The following ELL2 variants were observed in gnomAD, a reference collection of about 807,000 sequenced individuals.
ELL2 encodes the protein elongation factor for RNA polymerase II 2.
Under a neutral mutation model 72.8 loss-of-function variants are expected in ELL2, and 21 were observed. That is an observed-to-expected ratio of 0.29 (90% CI 0.20 to 0.42). The LOEUF (loss-of-function observed/expected upper bound fraction) is 0.42. Among genes scored for constraint, ELL2 ranks in the 10% least tolerant of loss-of-function variants. The pLI, the probability that ELL2 is intolerant of heterozygous loss-of-function variation, is 1.00. For missense variants in ELL2, 568 were observed against 772.8 expected, an observed-to-expected ratio of 0.73 and a Z score of 3.14; for synonymous variants, 266 against 283.2, an observed-to-expected ratio of 0.94 and a Z score of 0.61.
At chr5:95,943,787 T>C (rs1561512152) in intron 1 of ELL2, among the ~76,000 whole-genome samples, 1 of 152,206 alleles carries the variant, frequency 6.6e-6, no homozygotes, top group Non-Finnish European at 1.5e-5. Context: ...TTATGAGCTT[T>C]TTCTTCTTGA....
chr5:95,909,680 C>T (rs3777194), intron 4 of ELL2, among the ~76,000 whole-genome samples: 56,871 of 152,060 alleles, frequency 0.37, 11,983 homozygotes, highest in African/African-American at 0.58. Context: ...TGCTAATCAA[C>T]TCCCTGGGCT....
rs561640239 is a variant in ELL2, at chr5:95,886,949, A to T, written c.*1922T>A. On this transcript the variant is annotated 3_prime_UTR_variant, in exon 12 of 12. Transcript: ENST00000237853. Reference sequence around the variant, plus strand: ...AGATGTCCAAGAAATAACACCAATGAGTTCATTACCTATAGACGAACCACT... The same window carrying T: ...AGATGTCCAAGAAATAACACCAATGTGTTCATTACCTATAGACGAACCACT... 3 of 152,354 alleles carry T rather than the reference A, an allele frequency of 2.0e-5. No individual in the cohort carries two copies. In the South Asian group the frequency reaches 6.2e-4, roughly 32 times the overall value. 9.4% of individuals were successfully genotyped at this position (152,354 alleles called of 1,614,324 possible).
chr5:95,910,921 T>A (rs1749566338), intron 4 of ELL2, among the ~76,000 whole-genome samples: 1 of 152,186 alleles, frequency 6.6e-6, no homozygotes, highest in Admixed American at 6.5e-5. Context: ...ATCACACTCA[T>A]ATAATTTGCT....
At chr5:95,901,148 C>T in intron 5 of ELL2, 68 bp from the exon 6 acceptor site, 3 of 1,486,052 alleles carry the variant, frequency 2.0e-6, no homozygotes, top group Middle Eastern at 2.2e-4. Context: ...AAACAGGCAA[C>T]CTTTAGGATT....
At chr5:95,898,961 A>AC in intron 7 of ELL2, 151 bp from the exon 8 acceptor site, 1 of 519,516 alleles carries the variant, frequency 1.9e-6, no homozygotes, top group African/African-American at 2.6e-5. Context: ...TGCTTAAGCA[A>AC]AAAACAAACA....
chr5:95,888,162 T>C lies in ELL2; in HGVS notation c.*709A>G, dbSNP rs1412144270. 1 of 152,538 alleles carries C rather than the reference T, an allele frequency of 6.6e-6. No individual in the cohort carries two copies. The highest frequency in any genetic ancestry group is 1.5e-5 in the Non-Finnish European group (1 of 68,016). The allele number at this position is 152,538 out of a possible 1,614,324, so 9.4% of individuals were successfully genotyped here. On this transcript the variant is annotated 3_prime_UTR_variant, in exon 12 of 12. Coordinates refer to ENST00000237853, the MANE Select transcript of ELL2 (RefSeq NM_012081.6). ...CTGGTAGGCCACAGTATGCTTCCCA[T>C]TGCTCTAATCAAGTGGGAAGCAGTG...
intron 2 of ELL2, among the ~76,000 whole-genome samples, chr5:95,940,973 G>T (rs113392654): frequency 2.6e-5 from 4 of 152,064 alleles, no homozygotes; most frequent in Admixed American, 6.5e-5. Flanking sequence ...CAAAAAGAAG[G>T]GGGGGAGGGG....
At chr5:95,913,664 A>C in intron 4 of ELL2, 107 bp downstream of exon 4, 1 of 1,250,606 alleles carries the variant, frequency 8.0e-7, no homozygotes, top group Non-Finnish European at 1.1e-6. Context: ...AATGTTCTGA[A>C]AACTAGTTTC....
chr5:95,945,761 TGG>T (rs1751133714), intron 1 of ELL2, among the ~76,000 whole-genome samples: 1 of 152,180 alleles, frequency 6.6e-6, no homozygotes, highest in Admixed American at 6.5e-5. Flanking sequence ...AAGACAGGAA[TGG>T]ACACTGTATG....
At chr5:95,924,862 C>G (rs1396055639) in intron 2 of ELL2, among the ~76,000 whole-genome samples, 2 of 152,180 alleles carry the variant, frequency 1.3e-5, no homozygotes, top group Non-Finnish European at 2.9e-5. Flanking sequence ...GGGATACAAG[C>G]TCAGGCATGT....
chr5:95,914,688 T>C (rs1414804203), intron 3 of ELL2, among the ~76,000 whole-genome samples: 7 of 151,910 alleles, frequency 4.6e-5, no homozygotes, highest in Admixed American at 2.6e-4. Context: ...ACCCCATCTC[T>C]ACAAAAATTA....
chr5:95,919,372 C>A, intron 3 of ELL2, 52 bp downstream of exon 3: 1 of 1,554,494 alleles, frequency 6.4e-7, no homozygotes, highest in South Asian at 1.2e-5. Context: ...TTTTCTAAAA[C>A]CCTCTTAAAT....
intron 1 of ELL2, among the ~76,000 whole-genome samples, chr5:95,946,730 C>T (rs992297813): frequency 6.6e-6 from 1 of 152,214 alleles, no homozygotes; most frequent in Non-Finnish European, 1.5e-5. Context: ...TAACTCTTTC[C>T]TGTTCTTCCA....
Position 95,898,821 on chromosome 5 carries a change from G to C in ELL2, c.955-11C>G. ...ATCCAAAAGCCGTTTCTAGGGGAGG[G>C]AAAAGGAGAAAAGTGAGCCAGTTTG... On this transcript the variant is annotated splice_polypyrimidine_tract_variant and intron_variant, in intron 7 of 11. Coordinates refer to ENST00000237853, the MANE Select transcript of ELL2 (RefSeq NM_012081.6). The C allele has an allele frequency of 6.8e-7, 1 of 1,477,764 alleles. No homozygotes were observed. Among genetic ancestry groups the C allele is most frequent in the Non-Finnish European group, 9.0e-7 (1 of 1,114,554 alleles). The allele number at this position is 1,477,764 out of a possible 1,614,324, so 91.5% of individuals were successfully genotyped here.
At chr5:95,948,169 GC>G (rs1751236958) in intron 1 of ELL2, among the ~76,000 whole-genome samples, 1 of 152,136 alleles carries the variant, frequency 6.6e-6, no homozygotes, top group Non-Finnish European at 1.5e-5. Flanking sequence ...GGGCGTGGTT[GC>G]TCACGCCTGT....
chr5:95,888,925 G>A lies in ELL2; in HGVS notation c.1869C>T (p.His623=), dbSNP rs1239738642. Residue 623 remains histidine (H), a synonymous_variant, in exon 12 of 12, where the codon CAC becomes CAT. Coordinates refer to ENST00000237853, the MANE Select transcript of ELL2 (RefSeq NM_012081.6). ...CAAATTCACCTATTAGCCTTTTGATGTGAGCCAGCTTGTTATGAAGATATT... is the reference window on the plus strand; with the variant it reads ...CAAATTCACCTATTAGCCTTTTGATATGAGCCAGCTTGTTATGAAGATATT... ...RCEYLHNKLA[H]IKRLIGEFDQ... The A allele has an allele frequency of 3.1e-6, 5 of 1,609,014 alleles. No individual in the cohort carries two copies. Among genetic ancestry groups the A allele is most frequent in the Non-Finnish European group, 4.2e-6 (5 of 1,179,212 alleles).
At position 95,930,350 on chromosome 5, in the gene ELL2, T is replaced by C. The variant is rs185354418; in HGVS notation, c.196-10805A>G. Among the ~76,000 whole-genome samples, 7 of 152,324 alleles carry C rather than the reference T, an allele frequency of 4.6e-5. No individual in the cohort carries two copies. The East Asian group carries it at 1.3e-3, about 29-fold the overall frequency. On this transcript the variant is annotated intron_variant, in intron 2 of 11. Transcript: ENST00000237853. ...TCATGACTGCAGTCAGCAGCAGTTG[T>C]GTAAATCTAGGGAGAGACTGGTATT...
chr5:95,929,148 C>T (rs925832967), intron 2 of ELL2, among the ~76,000 whole-genome samples: 2 of 152,154 alleles, frequency 1.3e-5, no homozygotes, highest in Admixed American at 6.6e-5. Flanking sequence ...CACCTCTAGG[C>T]GCTCATCGCT....
chr5:95,949,254 G>A (rs905605991), intron 1 of ELL2, among the ~76,000 whole-genome samples: 2 of 152,148 alleles, frequency 1.3e-5, no homozygotes, highest in Non-Finnish European at 2.9e-5. Context: ...TGGGGTGGGA[G>A]AAGAGCACAG....
Sources: gnomAD v4.1 joint callset for allele counts (sites outside exome capture counted in the v4.1 genomes callset) on GRCh38, gnomAD v4.1.1 for gene constraint, MANE v1.5 for transcripts, NCBI Gene and HGNC (gene_info 2026-07-23, HGNC 2026-07-21) for gene names.